Variants in PACRG observed in about 807,000 individuals in gnomAD.
PACRG encodes parkin coregulated, also known as parkin coregulated gene protein.
A neutral mutation model predicts 29.7 loss-of-function variants in PACRG; 29 were observed. That is an observed-to-expected ratio of 0.98 (90% confidence interval 0.73 to 1.33). The LOEUF is 1.33. Among genes scored for constraint, PACRG ranks in the 40% most tolerant of loss-of-function variants. The pLI, the probability that PACRG is intolerant of heterozygous loss-of-function variation, is 0.00. For missense variants in PACRG, 279 were observed against 316.2 expected (o/e 0.88, Z 0.89); for synonymous variants, 116 against 118.7 (o/e 0.98, Z 0.15).
At chr6:163,231,747 C>T (rs1321802252) in intron 4 of PACRG, among the ~76,000 whole-genome samples, 2 of 152,136 alleles carry the variant, frequency 1.3e-5, no homozygotes, top group African/African-American at 4.8e-5. Context: ...CATGAGCTTG[C>T]ATAGTTTCAG....
At chr6:162,877,944 T>A (rs1261272460) in intron 2 of PACRG, among the ~76,000 whole-genome samples, 1 of 152,238 alleles carries the variant, frequency 6.6e-6, no homozygotes, top group Non-Finnish European at 1.5e-5. Flanking sequence ...CCATGGTAAC[T>A]AAGTTGAGTG....
intron 4 of PACRG, among the ~76,000 whole-genome samples, chr6:163,275,312 C>T (rs1027687025): frequency 1.6e-4 from 24 of 152,138 alleles, no homozygotes; most frequent in Non-Finnish European, 3.4e-4. Context: ...TTAGCAGCAT[C>T]ATTTCTACGT....
intron 2 of PACRG, among the ~76,000 whole-genome samples, chr6:162,892,894 C>G (rs781419384): frequency 6.9e-6 from 1 of 144,030 alleles, no homozygotes; most frequent in Non-Finnish European, 1.5e-5. Flanking sequence ...GAGCCTCGGC[C>G]CACACCCCAG....
chr6:162,903,547 T>C (rs930672534), intron 2 of PACRG, among the ~76,000 whole-genome samples: 3 of 152,020 alleles, frequency 2.0e-5, no homozygotes, highest in African/African-American at 7.2e-5. Context: ...GAAAGGGGTT[T>C]CCCCTTATAA....
chr6:162,960,162 T>A (rs1468094240), intron 2 of PACRG, among the ~76,000 whole-genome samples: 1 of 152,228 alleles, frequency 6.6e-6, no homozygotes, highest in African/African-American at 2.4e-5. Context: ...TTGGTGGGAA[T>A]GTAAATTAGT....
intron 2 of PACRG, among the ~76,000 whole-genome samples, chr6:163,057,762 C>T (rs1810722148): frequency 6.6e-6 from 1 of 152,208 alleles, no homozygotes; most frequent in Non-Finnish European, 1.5e-5. Flanking sequence ...ATACAAATTC[C>T]TCTCTTCTTG....
chr6:162,727,941 G>A (rs541100410), upstream of PACRG: 14 of 593,114 alleles, frequency 2.4e-5, no homozygotes, highest in East Asian at 1.7e-4. Flanking sequence ...GTCACCGGGG[G>A]GCGGGGCTAT....
At chr6:162,931,137 C>A (rs1043151386) in intron 2 of PACRG, among the ~76,000 whole-genome samples, 2 of 151,548 alleles carry the variant, frequency 1.3e-5, no homozygotes, top group African/African-American at 4.8e-5. Context: ...TGAAGAGTTT[C>A]TGTTTAATTG....
At chr6:163,308,320 A>T (rs12214534) in intron 4 of PACRG, among the ~76,000 whole-genome samples, 2 of 152,210 alleles carry the variant, frequency 1.3e-5, no homozygotes, top group African/African-American at 4.8e-5. Flanking sequence ...ACAAACAAGG[A>T]GTTTCTGTTT....
At chr6:163,095,503 C>T (rs1814492745) in intron 4 of PACRG, 1 of 878,166 alleles carries the variant, frequency 1.1e-6, no homozygotes, top group Non-Finnish European at 1.4e-6. Flanking sequence ...AGAAATGTAT[C>T]GTCTCCCAGT....
intron 4 of PACRG, among the ~76,000 whole-genome samples, chr6:163,197,871 A>C (rs1009867395): frequency 6.6e-6 from 1 of 152,214 alleles, no homozygotes; most frequent in African/African-American, 2.4e-5. Flanking sequence ...GCCACATCCC[A>C]GTAGAAAGTA....
intron 4 of PACRG, among the ~76,000 whole-genome samples, chr6:163,162,997 G>C (rs1350486479): frequency 6.6e-6 from 1 of 152,200 alleles, no homozygotes; most frequent in African/African-American, 2.4e-5. Context: ...ACTCCAAATC[G>C]ATCAGCCTGG....
At chr6:163,172,120 A>G (rs915909664) in intron 4 of PACRG, among the ~76,000 whole-genome samples, 4 of 152,184 alleles carry the variant, frequency 2.6e-5, no homozygotes, top group Non-Finnish European at 5.9e-5. Context: ...AAGCTTCTAC[A>G]TTTTATTAAG....
At chr6:162,744,736 T>C (rs1419343050) in intron 1 of PACRG, among the ~76,000 whole-genome samples, 1 of 152,212 alleles carries the variant, frequency 6.6e-6, no homozygotes, top group African/African-American at 2.4e-5. Context: ...TAAAAAATTG[T>C]TTAAAGATTT....
chr6:162,799,982 A>G (rs1039716169), intron 1 of PACRG, among the ~76,000 whole-genome samples: 3 of 152,156 alleles, frequency 2.0e-5, no homozygotes, highest in Admixed American at 2.0e-4. Flanking sequence ...CTCCTTTCAC[A>G]TTTGGCTCAC....
At chr6:163,057,799 A>T (rs1585112816) in intron 2 of PACRG, among the ~76,000 whole-genome samples, 1 of 152,222 alleles carries the variant, frequency 6.6e-6, no homozygotes, top group African/African-American at 2.4e-5. Context: ...TAAGGTTCCC[A>T]GGCCTGTTAG....
At chr6:162,952,934 T>C (rs1013898751) in intron 2 of PACRG, among the ~76,000 whole-genome samples, 5 of 152,230 alleles carry the variant, frequency 3.3e-5, no homozygotes, top group Non-Finnish European at 5.9e-5. Context: ...TCTTGCTAAA[T>C]AATTTGTCTC....
chr6:163,282,451 C>G (rs748158591), intron 4 of PACRG, among the ~76,000 whole-genome samples: 1 of 152,184 alleles, frequency 6.6e-6, no homozygotes, highest in Non-Finnish European at 1.5e-5. Flanking sequence ...TGGCTTAGGC[C>G]TGTAATCCCA....
intron 2 of PACRG, among the ~76,000 whole-genome samples, chr6:162,814,642 C>T (rs1787171363): frequency 6.6e-6 from 1 of 152,082 alleles, no homozygotes; most frequent in African/African-American, 2.4e-5. Context: ...CCAGATTTCA[C>T]CTTCCTGCAG....
Sources: allele counts gnomAD v4.1 joint callset (sites outside exome capture counted in the v4.1 genomes callset), GRCh38; gene constraint gnomAD v4.1.1; transcripts MANE v1.5; gene names NCBI Gene and HGNC (gene_info 2026-07-23, HGNC 2026-07-21).